PRKAG2: variants seen among roughly 807,000 people sequenced by gnomAD.
PRKAG2 encodes the protein 5'-AMP-activated protein kinase subunit gamma-2.
A neutral mutation model predicts 69.6 loss-of-function variants in PRKAG2; 26 were observed. The ratio of observed to expected loss-of-function variants is 0.37; its 90% CI spans 0.27 to 0.52. PRKAG2 has a LOEUF of 0.52. PRKAG2 is among the 20% of genes least tolerant of loss of function. The pLI, the probability that PRKAG2 is intolerant of heterozygous loss-of-function variation, is 0.90. For synonymous variants in PRKAG2, 293 were observed against 285.0 expected (o/e 1.03, Z -0.28); for missense variants, 557 against 740.0 (o/e 0.75, Z 2.87).
Position 151,716,719 on chromosome 7 carries a change from G to T in PRKAG2, c.467-41082C>A, listed in dbSNP as rs143455453. ...CATTCTGCAAAGAACGGGGACCAGT[G>T]AAATTAGCAGTCAGTGTTTTGAATT... On this transcript the variant is annotated intron_variant, in intron 3 of 15. Transcript: ENST00000287878. Among the ~76,000 whole-genome samples, 1,235 of 152,334 alleles carry T rather than the reference G, an allele frequency of 8.1e-3. 17 individuals carry two copies. Among genetic ancestry groups the T allele is most frequent in the African/African-American group, 0.028 (1,165 of 41,586 alleles).
chr7:151,672,531 T>C (rs977880239), intron 4 of PRKAG2, among the ~76,000 whole-genome samples: 16 of 151,986 alleles, frequency 1.1e-4, no homozygotes, highest in African/African-American at 3.9e-4. Context: ...AAACACTAAC[T>C]CATCTTTTCC....
intron 3 of PRKAG2, among the ~76,000 whole-genome samples, chr7:151,768,221 C>T (rs1234874377): frequency 1.3e-5 from 2 of 152,120 alleles, no homozygotes; most frequent in African/African-American, 4.8e-5. Flanking sequence ...TCCTACTGGT[C>T]AAGTATTACT....
chr7:151,606,547 C>T (rs75899593), intron 5 of PRKAG2, among the ~76,000 whole-genome samples: 2,067 of 152,238 alleles, frequency 0.014, 33 homozygotes, highest in African/African-American at 0.047. Flanking sequence ...TGGCCGCGTG[C>T]GGTGGCTCAC....
intron 1 of PRKAG2, among the ~76,000 whole-genome samples, chr7:151,794,759 T>C (rs545489013): frequency 6.6e-6 from 1 of 152,376 alleles, no homozygotes; most frequent in African/African-American, 2.4e-5. Flanking sequence ...AGATGATTCA[T>C]GACTTGTGCA....
chr7:151,702,617 C>G (rs1402767205), intron 3 of PRKAG2, among the ~76,000 whole-genome samples: 1 of 152,260 alleles, frequency 6.6e-6, no homozygotes, highest in Admixed American at 6.5e-5. Flanking sequence ...TTCACACTCA[C>G]CAGTTGGCAA....
At chr7:151,651,529 C>A (rs995127550) in intron 4 of PRKAG2, among the ~76,000 whole-genome samples, 1 of 152,106 alleles carries the variant, frequency 6.6e-6, no homozygotes, top group East Asian at 1.9e-4. Context: ...ATCTCTTGAA[C>A]CCGGGAGGTG....
At chr7:151,608,826 A>AT (rs67353252) in intron 5 of PRKAG2, among the ~76,000 whole-genome samples, 61,135 of 149,270 alleles carry the variant, frequency 0.41, 12,951 homozygotes, top group East Asian at 0.53. Flanking sequence ...TTAGACATGG[A>AT]TTTTTTTTTT....
intron 6 of PRKAG2, among the ~76,000 whole-genome samples, chr7:151,594,786 T>C (rs1484031971): frequency 1.3e-5 from 2 of 151,848 alleles, no homozygotes; most frequent in Non-Finnish European, 2.9e-5. Context: ...CACAACAACT[T>C]GTGGACTAAG....
chr7:151,769,647 C>T (rs930112158), intron 3 of PRKAG2, among the ~76,000 whole-genome samples: 8 of 152,228 alleles, frequency 5.3e-5, no homozygotes, highest in Non-Finnish European at 1.0e-4. Context: ...AACAGGAATC[C>T]GGGCAGCTTA....
Position 151,802,855 on chromosome 7 carries a change from C to G in PRKAG2, c.115-16314G>C, listed in dbSNP as rs528677664. 8.5e-5 allele frequency among the ~76,000 whole-genome samples: 13 copies of G among 152,156 alleles called. No homozygotes were observed. In the East Asian group the frequency reaches 9.7e-4, roughly 11 times the overall value. Reference sequence around the variant, plus strand: ...GGACACCCTCTACTCCTCTTTAATCCCCCCGTGCCAGCATTCCTCAAAAAA... The same window carrying G: ...GGACACCCTCTACTCCTCTTTAATCGCCCCGTGCCAGCATTCCTCAAAAAA... On this transcript the variant is annotated intron_variant, in intron 1 of 15. Coordinates refer to ENST00000287878, the MANE Select transcript of PRKAG2 (RefSeq NM_016203.4).
intron 5 of PRKAG2, among the ~76,000 whole-genome samples, chr7:151,605,970 C>A (rs1467591701): frequency 6.6e-6 from 1 of 150,804 alleles, no homozygotes; most frequent in African/African-American, 2.5e-5. Flanking sequence ...TTGCTTCAAC[C>A]CAGGACATGG....
chr7:151,862,448 G>A (rs12703164), intron 1 of PRKAG2, among the ~76,000 whole-genome samples: 5 of 151,962 alleles, frequency 3.3e-5, no homozygotes, highest in East Asian at 3.9e-4. Flanking sequence ...AAATTGGGTC[G>A]TCGAGTTAAC....
chr7:151,703,726 TG>T (rs1838106281), intron 3 of PRKAG2, among the ~76,000 whole-genome samples: 1 of 152,018 alleles, frequency 6.6e-6, no homozygotes, highest in African/African-American at 2.4e-5. Context: ...TTTTTTTGGC[TG>T]GGCGCGGTGG....
chr7:151,646,388 T>C (rs1380972511), intron 4 of PRKAG2, among the ~76,000 whole-genome samples: 4 of 152,226 alleles, frequency 2.6e-5, no homozygotes, highest in African/African-American at 9.6e-5. Context: ...ATGGAGGTCT[T>C]ACATATCTTT....
At chr7:151,847,658 C>T (rs186970070) in intron 1 of PRKAG2, among the ~76,000 whole-genome samples, 75 of 152,328 alleles carry the variant, frequency 4.9e-4, no homozygotes, top group African/African-American at 1.7e-3. Context: ...GGTATATAAC[C>T]ACGCGGCAAA....
chr7:151,875,509 G>T (rs534996277), intron 1 of PRKAG2, among the ~76,000 whole-genome samples: 2 of 152,048 alleles, frequency 1.3e-5, no homozygotes, highest in South Asian at 4.2e-4. Flanking sequence ...CATTCACTGC[G>T]CACTCCCACC....
intron 3 of PRKAG2, among the ~76,000 whole-genome samples, chr7:151,720,482 A>G (rs1374459941): frequency 6.6e-6 from 1 of 151,648 alleles, no homozygotes; most frequent in Non-Finnish European, 1.5e-5. Flanking sequence ...CTATTTGTGG[A>G]AAACAATTTT....
At chr7:151,680,706 G>C (rs964572023) in intron 3 of PRKAG2, among the ~76,000 whole-genome samples, 31 of 152,278 alleles carry the variant, frequency 2.0e-4, no homozygotes, top group African/African-American at 6.7e-4. Flanking sequence ...AGAGGCTGGC[G>C]AAGGCCATAT....
chr7:151,762,522 T>C (rs902029772), intron 3 of PRKAG2, among the ~76,000 whole-genome samples: 1 of 152,068 alleles, frequency 6.6e-6, no homozygotes. Flanking sequence ...CTAGGAAGGC[T>C]GGCATGGGCA....
Sources: allele counts gnomAD v4.1 joint callset (sites outside exome capture counted in the v4.1 genomes callset), GRCh38; gene constraint gnomAD v4.1.1; transcripts MANE v1.5; gene names NCBI Gene and HGNC (gene_info 2026-07-23, HGNC 2026-07-21).